Variants in CACNA2D1 observed in about 807,000 individuals in gnomAD.
CACNA2D1 encodes the protein calcium voltage-gated channel auxiliary subunit alpha2delta 1.
In CACNA2D1, 53 loss-of-function variants were observed where a neutral mutation model predicts 171.5. The ratio of observed to expected loss-of-function variants is 0.31; its 90% CI spans 0.25 to 0.39. The LOEUF is 0.39. Among genes scored for constraint, CACNA2D1 ranks in the 10% least tolerant of loss-of-function variants. The pLI is 1.00. For synonymous variants in CACNA2D1, 442 were observed against 443.1 expected (o/e 1.00, Z 0.03); for missense variants, 903 against 1,299.8 (o/e 0.69, Z 4.69).
chr7:82,191,486 G>A (rs1326171265), intron 3 of CACNA2D1, among the ~76,000 whole-genome samples: 1 of 151,724 alleles, frequency 6.6e-6, no homozygotes, highest in Non-Finnish European at 1.5e-5. Context: ...CTCTAAACCT[G>A]AAAACCTAAT....
chr7:81,955,713 TA>T (rs1793166977), intron 38 of CACNA2D1, among the ~76,000 whole-genome samples: 2 of 151,984 alleles, frequency 1.3e-5, no homozygotes, highest in Non-Finnish European at 2.9e-5. Context: ...TAACATTTAT[TA>T]ATCAAAGAAG....
rs747843223 is a variant in CACNA2D1, at chr7:82,060,201, T to TAATATATATATAATATATATATATTA, written c.879+226_879+227insTAATATATATATATTATATATATATT. ...ATAATATATATATATTATATATATA[T>TAATATATATATAATATATATATATTA]TATATATATAATATATATATAATAT... On this transcript the variant is annotated intron_variant, in intron 10 of 38. Coordinates refer to ENST00000356860, the MANE Select transcript of CACNA2D1 (RefSeq NM_000722.4). 1.5e-3 allele frequency among the ~76,000 whole-genome samples: 16 copies of TAATATATATATAATATATATATATTA among 10,422 alleles called. 3 individuals are homozygous for TAATATATATATAATATATATATATTA. Among genetic ancestry groups the TAATATATATATAATATATATATATTA allele is most frequent in the South Asian group, 0.013 (2 of 160 alleles). The allele number at this position is 10,422 out of a possible 152,430, so 6.8% of individuals were successfully genotyped here.
In CACNA2D1 at chr7:82,060,476, G is replaced by A. The variant is rs144936173; in HGVS notation, c.831C>T (p.Ser277=). Residue 277 remains serine (S), a synonymous_variant, in exon 10 of 39, where the codon TCC becomes TCT. Coordinates refer to ENST00000356860, the MANE Select transcript of CACNA2D1 (RefSeq NM_000722.4). Reference sequence around the variant, plus strand: ...CATCTGAGAGGGTTTCTAACATTTCGGAGACAGATGTTCGGATCAGTTTAA... The same window carrying A: ...CATCTGAGAGGGTTTCTAACATTTCAGAGACAGATGTTCGGATCAGTTTAA... ...LTLKLIRTSV[S]EMLETLSDDD... The A allele has an allele frequency of 4.1e-5, 66 of 1,609,368 alleles. 1 individual carries two copies. The highest frequency in any genetic ancestry group is 2.7e-4 in the South Asian group (25 of 90,970).
At chr7:82,155,406 C>A (rs1215990129) in intron 4 of CACNA2D1, among the ~76,000 whole-genome samples, 1 of 152,114 alleles carries the variant, frequency 6.6e-6, no homozygotes, top group Non-Finnish European at 1.5e-5. Context: ...AAAAAGAAAT[C>A]TGAATCCAGG....
intron 1 of CACNA2D1, among the ~76,000 whole-genome samples, chr7:82,383,936 C>T (rs1358854112): frequency 6.6e-6 from 1 of 151,922 alleles, no homozygotes; most frequent in Non-Finnish European, 1.5e-5. Flanking sequence ...TTGAAAAAAA[C>T]AAATAATTAT....
chr7:82,442,694 A>G (rs1000466322), intron 1 of CACNA2D1, among the ~76,000 whole-genome samples: 1 of 152,220 alleles, frequency 6.6e-6, no homozygotes, highest in Non-Finnish European at 1.5e-5. Flanking sequence ...TATTCATTTG[A>G]AGAACAGGGA....
At chr7:82,105,131 A>G (rs573910666) in intron 6 of CACNA2D1, among the ~76,000 whole-genome samples, 1 of 152,094 alleles carries the variant, frequency 6.6e-6, no homozygotes, top group Non-Finnish European at 1.5e-5. Context: ...AAAAACTGTT[A>G]CTGAAGGTAA....
intron 1 of CACNA2D1, among the ~76,000 whole-genome samples, chr7:82,418,551 A>C (rs1828410566): frequency 6.6e-6 from 1 of 152,050 alleles, no homozygotes; most frequent in Admixed American, 6.6e-5. Context: ...ATAAATAAAT[A>C]AAGTAACAGA....
chr7:82,378,947 G>A (rs1013686095), intron 1 of CACNA2D1, among the ~76,000 whole-genome samples: 1 of 84,862 alleles, frequency 1.2e-5, no homozygotes, highest in South Asian at 3.1e-4. Flanking sequence ...TCGTGTGTGT[G>A]TGTGTGTGTG....
At chr7:82,336,984 T>C (rs1818076960) in intron 2 of CACNA2D1, among the ~76,000 whole-genome samples, 2 of 152,190 alleles carry the variant, frequency 1.3e-5, no homozygotes, top group Admixed American at 1.3e-4. Flanking sequence ...GGTAATATCA[T>C]TTATTAAGTC....
chr7:82,104,936 G>A lies in CACNA2D1; in HGVS notation c.526+12108C>T, dbSNP rs531071349. 5.9e-5 allele frequency among the ~76,000 whole-genome samples: 9 copies of A among 152,160 alleles called. 1 individual carries two copies. The East Asian group carries it at 1.7e-3, about 29-fold the overall frequency. On this transcript the variant is annotated intron_variant, in intron 6 of 38. Coordinates refer to ENST00000356860, the MANE Select transcript of CACNA2D1 (RefSeq NM_000722.4). Reference sequence around the variant, plus strand: ...TATACCATCTAGACATTAGAGGGAAGATTCTATTTCTCAAATATTCTTGGA... The same window carrying A: ...TATACCATCTAGACATTAGAGGGAAAATTCTATTTCTCAAATATTCTTGGA...
intron 4 of CACNA2D1, among the ~76,000 whole-genome samples, chr7:82,170,099 A>G (rs1294410495): frequency 6.6e-6 from 1 of 151,928 alleles, no homozygotes; most frequent in Non-Finnish European, 1.5e-5. Flanking sequence ...GAAGTTGAAT[A>G]TATTCATTCT....
At chr7:82,104,196 ACTT>A (rs1431591182) in intron 6 of CACNA2D1, among the ~76,000 whole-genome samples, 6 of 152,128 alleles carry the variant, frequency 3.9e-5, no homozygotes, top group South Asian at 2.1e-4. Context: ...TTTAATACTG[ACTT>A]TTTTAATTTA....
intron 3 of CACNA2D1, among the ~76,000 whole-genome samples, chr7:82,262,879 T>C (rs1275556942): frequency 6.6e-6 from 1 of 152,116 alleles, no homozygotes; most frequent in African/African-American, 2.4e-5. Flanking sequence ...TCCTGCTCCA[T>C]ACCCAGGAGT....
intron 19 of CACNA2D1, among the ~76,000 whole-genome samples, chr7:81,995,917 G>C (rs1447448775): frequency 6.6e-6 from 1 of 151,982 alleles, no homozygotes; most frequent in Non-Finnish European, 1.5e-5. Context: ...ATTTACATGT[G>C]GCTTCGGGAA....
intron 6 of CACNA2D1, among the ~76,000 whole-genome samples, chr7:82,101,237 T>G (rs959163019): frequency 6.6e-6 from 1 of 152,068 alleles, no homozygotes; most frequent in Non-Finnish European, 1.5e-5. Context: ...TGGAACCAAG[T>G]GGGTGGGTAT....
chr7:82,138,437 T>G (rs1304350496), intron 4 of CACNA2D1, among the ~76,000 whole-genome samples: 3 of 77,638 alleles, frequency 3.9e-5, no homozygotes, highest in Admixed American at 1.8e-4. Flanking sequence ...TTTTGTTTTT[T>G]TTGTTTTTTT....
At chr7:82,217,349 T>TA (rs139578464) in intron 3 of CACNA2D1, among the ~76,000 whole-genome samples, 34,347 of 122,366 alleles carry the variant, frequency 0.28, 5,589 homozygotes, top group Middle Eastern at 0.39. Context: ...CCTGCCTTTT[T>TA]AAAAAAAAAA....
At chr7:82,141,202 C>G (rs1167858510) in intron 4 of CACNA2D1, among the ~76,000 whole-genome samples, 1 of 152,054 alleles carries the variant, frequency 6.6e-6, no homozygotes, top group Non-Finnish European at 1.5e-5. Flanking sequence ...ATTCAAATCA[C>G]TGAGTCACCA....
Sources: gnomAD v4.1 joint callset for allele counts (sites outside exome capture counted in the v4.1 genomes callset) on GRCh38, gnomAD v4.1.1 for gene constraint, MANE v1.5 for transcripts, NCBI Gene and HGNC (gene_info 2026-07-23, HGNC 2026-07-21) for gene names.